Variants in RPL6 observed in about 807,000 individuals in gnomAD.
RPL6 encodes the protein large ribosomal subunit protein eL6.
In RPL6, 1 loss-of-function variant was observed where a neutral mutation model predicts 32.1. That is an observed-to-expected ratio of 0.03 (90% CI 0.01 to 0.15). The LOEUF (loss-of-function observed/expected upper bound fraction) is 0.15. RPL6 is among the 10% of genes least tolerant of loss of function. RPL6 has a pLI of 1.00. For missense variants in RPL6, 275 were observed against 354.6 expected, an observed-to-expected ratio of 0.78 and a Z score of 1.80; for synonymous variants, 126 against 131.6, an observed-to-expected ratio of 0.96 and a Z score of 0.29.
chr12:112,410,822 G>A (rs560213411), upstream of RPL6, among the ~76,000 whole-genome samples: 6 of 151,976 alleles, frequency 3.9e-5, no homozygotes, highest in African/African-American at 1.4e-4. Flanking sequence ...TAATCCACCC[G>A]CCTCAGCCTC....
At chr12:112,405,783 C>T (rs989710610) in intron 6 of RPL6, 70 bp downstream of exon 6, 3 of 1,273,050 alleles carry the variant, frequency 2.4e-6, no homozygotes, top group Non-Finnish European at 3.3e-6. Flanking sequence ...TCTTTTTGTG[C>T]AACCTGTTTC....
chr12:112,406,644 A>C, intron 4 of RPL6, 103 bp downstream of exon 4: 1 of 1,446,346 alleles, frequency 6.9e-7, no homozygotes, highest in South Asian at 1.4e-5. Context: ...CCCTTGCCCC[A>C]AACATAGGTA....
chr12:112,410,333 GCTGA>G (rs1050327020), upstream of RPL6: 9 of 294,992 alleles, frequency 3.1e-5, no homozygotes, highest in African/African-American at 1.6e-4. Flanking sequence ...GGATTTAGCG[GCTGA>G]CTACTTCCTC....
chr12:112,418,566 G>T (rs912784986), intron 1 of RPL6: 2 of 235,222 alleles, frequency 8.5e-6, no homozygotes, highest in Middle Eastern at 1.2e-3. Context: ...CTTACAGAAA[G>T]AAAAGAATGG....
intron 1 of RPL6, chr12:112,408,938 G>A (rs1202681163): frequency 1.3e-5 from 5 of 397,228 alleles, no homozygotes; most frequent in African/African-American, 8.3e-5. Flanking sequence ...TCAGAAGTCC[G>A]TACAACCATT....
At chr12:112,406,620 T>C in intron 4 of RPL6, 127 bp downstream of exon 4, 1 of 1,266,738 alleles carries the variant, frequency 7.9e-7, no homozygotes, top group Non-Finnish European at 1.1e-6. Flanking sequence ...AAGTTGTATC[T>C]TGCAGATCAT....
chr12:112,412,661 A>T (rs1156801740), upstream of RPL6, among the ~76,000 whole-genome samples: 3 of 152,170 alleles, frequency 2.0e-5, no homozygotes, highest in East Asian at 5.8e-4. Flanking sequence ...TTTTTTGTAG[A>T]GACAGGGTCT....
At position 112,415,846 on chromosome 12, in the gene RPL6, T is replaced by C. The variant is rs145958298; in HGVS notation, c.-229+2882A>G. On this transcript the variant is annotated intron_variant, in intron 1 of 5. Transcript: ENST00000551291. ...TCCCAAAACACTGGGATTACAGAGG[T>C]GAGCCACCACATCCAGGGGGATAAA... is the stretch of plus-strand genomic sequence containing the variant. Among the ~76,000 whole-genome samples the C allele has an allele frequency of 8.1e-3, 1,202 of 149,270 alleles. 14 individuals carry two copies. Among genetic ancestry groups the C allele is most frequent in the African/African-American group, 0.028 (1,153 of 40,562 alleles).
upstream of RPL6, among the ~76,000 whole-genome samples, chr12:112,410,957 A>G (rs555083664): frequency 2.2e-4 from 33 of 152,316 alleles, 1 homozygote; most frequent in South Asian, 6.4e-3. Flanking sequence ...GTATTCTGCT[A>G]AAGTTTATGC....
chr12:112,415,125 C>A (rs1021612401), upstream of RPL6, among the ~76,000 whole-genome samples: 12 of 152,056 alleles, frequency 7.9e-5, no homozygotes, highest in African/African-American at 2.4e-4. Context: ...TCAGGAAGAA[C>A]CCTCTGGGGA....
rs550829664 is a variant in RPL6 at position 112,417,176 on chromosome 12, GCCTCCGGAGTAGCTGGGA to G, written c.-229+1534_-229+1551del. On this transcript the variant is annotated intron_variant, in intron 1 of 5. Coordinates refer to the RPL6 transcript ENST00000551291. Reference sequence around the variant, plus strand: ...CGGTTCAAGCAATTCTCCCACCTCAGCCTCCGGAGTAGCTGGGACTACAGGTGTGCGCCACCAAGCCCG... The same window carrying G: ...CGGTTCAAGCAATTCTCCCACCTCAGCTACAGGTGTGCGCCACCAAGCCCG... 6.6e-5 allele frequency among the ~76,000 whole-genome samples: 10 copies of G among 152,230 alleles called. No homozygotes were observed. In the South Asian group the frequency reaches 1.9e-3, roughly 28 times the overall value.
At chr12:112,411,726 C>T (rs958059410), upstream of RPL6, among the ~76,000 whole-genome samples, 8 of 151,946 alleles carry the variant, frequency 5.3e-5, no homozygotes, top group Admixed American at 3.9e-4. Flanking sequence ...TGTTTTGTTG[C>T]GGTATTGCAA....
At chr12:112,416,725 G>C (rs2037416004) in intron 1 of RPL6, among the ~76,000 whole-genome samples, 1 of 152,188 alleles carries the variant, frequency 6.6e-6, no homozygotes, top group Admixed American at 6.5e-5. Flanking sequence ...GACCCGCCTA[G>C]TTTTGTAGTT....
upstream of RPL6, among the ~76,000 whole-genome samples, chr12:112,411,811 C>T (rs2037343930): frequency 1.3e-5 from 2 of 151,792 alleles, no homozygotes; most frequent in African/African-American, 4.8e-5. Context: ...TTAGTTTTGC[C>T]ATATATAAAA....
chr12:112,414,861 C>T (rs528043771), upstream of RPL6, among the ~76,000 whole-genome samples: 6 of 151,498 alleles, frequency 4.0e-5, no homozygotes, highest in East Asian at 5.8e-4. Context: ...GTCGAGATCA[C>T]GCCACTGCAC....
At chr12:112,406,528 G>A in intron 4 of RPL6, 186 bp from the exon 5 acceptor site, 3 of 814,412 alleles carry the variant, frequency 3.7e-6, no homozygotes, top group Non-Finnish European at 5.8e-6. Flanking sequence ...ACGTTTTTGA[G>A]TAAATGAACA....
At chr12:112,408,856 C>T (rs2037266317) in intron 1 of RPL6, 200 bp from the exon 2 acceptor site, 2 of 540,818 alleles carry the variant, frequency 3.7e-6, no homozygotes, top group African/African-American at 1.9e-5. Context: ...CTCCCCAATA[C>T]ACTATAAACT....
chr12:112,405,559 G>A (rs2301723), intron 6 of RPL6, 183 bp from the exon 7 acceptor site: 125,430 of 687,638 alleles, frequency 0.18, 23,449 homozygotes, highest in East Asian at 0.83. Flanking sequence ...TGTAATAAAA[G>A]TAGCTCTTAA....
upstream of RPL6, among the ~76,000 whole-genome samples, chr12:112,414,575 G>A (rs1318474300): frequency 1.3e-5 from 2 of 152,166 alleles, no homozygotes; most frequent in African/African-American, 4.8e-5. Flanking sequence ...GGAGTCAAAT[G>A]ACTTGCTTAT....
Sources: gnomAD v4.1 joint callset for allele counts (sites outside exome capture counted in the v4.1 genomes callset) on GRCh38, gnomAD v4.1.1 for gene constraint, MANE v1.5 for transcripts, NCBI Gene and HGNC (gene_info 2026-07-23, HGNC 2026-07-21) for gene names.